The following SIK3 variants were observed in gnomAD, a reference collection of about 807,000 sequenced individuals.
The protein encoded by SIK3 is serine/threonine-protein kinase SIK3.
SIK3 carries 28 observed loss-of-function variants against 144.2 expected under a neutral mutation model. The observed-to-expected ratio is 0.19, with a 90% CI of 0.14 to 0.27. The LOEUF (loss-of-function observed/expected upper bound fraction) is 0.27, where lower values mean the gene tolerates loss of function less well. SIK3 is among the 10% of genes least tolerant of loss of function. The pLI is 1.00. For synonymous variants in SIK3, 686 were observed against 676.3 expected (o/e 1.01, Z -0.22); for missense variants, 1,319 against 1,776.0 (o/e 0.74, Z 4.62).
chr11:116,932,613 A>G (rs1947676598), intron 3 of SIK3, among the ~76,000 whole-genome samples: 1 of 152,098 alleles, frequency 6.6e-6, no homozygotes, highest in African/African-American at 2.4e-5. Flanking sequence ...ATACAAAAAT[A>G]TTTCACCACC....
At chr11:117,089,188 G>A (rs927299552) in intron 1 of SIK3, among the ~76,000 whole-genome samples, 19 of 151,978 alleles carry the variant, frequency 1.3e-4, no homozygotes, top group East Asian at 3.9e-4. Context: ...GGCAGATCAC[G>A]AGGTCAGGAA....
chr11:116,947,569 A>ATGTTTTT (rs374241141), intron 3 of SIK3, among the ~76,000 whole-genome samples: 2 of 109,448 alleles, frequency 1.8e-5, no homozygotes, highest in African/African-American at 3.1e-5. Flanking sequence ...GTATGTATGT[A>ATGTTTTT]TTTTTTTTTT....
intron 1 of SIK3, among the ~76,000 whole-genome samples, chr11:117,085,177 CCATAGTTTA>C (rs1399856752): frequency 6.6e-6 from 1 of 151,888 alleles, no homozygotes; most frequent in African/African-American, 2.4e-5. Context: ...AGTGGCGCAA[CCATAGTTTA>C]CTGCACTGTA....
At chr11:116,970,216 G>A (rs1158452068) in intron 1 of SIK3, among the ~76,000 whole-genome samples, 3 of 152,196 alleles carry the variant, frequency 2.0e-5, no homozygotes, top group Non-Finnish European at 4.4e-5. Context: ...GGTCAAGGCT[G>A]CAGTGAGTTG....
chr11:116,861,191 G>A, intron 19 of SIK3, 83 bp downstream of exon 19: 1 of 1,083,908 alleles, frequency 9.2e-7, no homozygotes, highest in Non-Finnish European at 1.4e-6. Flanking sequence ...CCTTTCAAAT[G>A]GTTTATGGTG....
chr11:117,098,163 G>T lies in SIK3; in HGVS notation c.253C>A (p.His85Asn), dbSNP rs1247396226. ...GGTACCTTGGCCTTGGTGACGAGGTGCGTGGCCCGCTTGACCACCGCGAAG... is the reference window on the plus strand; with the variant it reads ...GGTACCTTGGCCTTGGTGACGAGGTTCGTGGCCCGCTTGACCACCGCGAAG... ...GNFAVVKRATHLVTKAKVAIK... is the reference protein window; with the variant it reads ...GNFAVVKRATNLVTKAKVAIK... Residue 85 changes from histidine (H) to asparagine (N), a missense_variant, in exon 1 of 25, where the codon CAC becomes AAC. His to Asn is a moderately conservative substitution (Grantham distance 68, BLOSUM62 1). Around this residue, in one of 8 missense-constraint regions of SIK3, gnomAD observed 125 missense variants for 285.2 expected, o/e 0.44. Transcript: ENST00000445177. 2.0e-6 allele frequency: 3 copies of T among 1,514,176 alleles called. No homozygotes were observed. Among genetic ancestry groups the T allele is most frequent in the Non-Finnish European group, 8.8e-7 (1 of 1,130,274 alleles). The allele number at this position is 1,514,176 out of a possible 1,614,324, so 93.8% of individuals were successfully genotyped here. A position where few individuals can be genotyped will look rare whatever the true frequency, so the allele number is the denominator to read the frequency against.
At chr11:117,089,687 G>A (rs11823889) in intron 1 of SIK3, among the ~76,000 whole-genome samples, 47,638 of 151,964 alleles carry the variant, frequency 0.31, 9,692 homozygotes, top group African/African-American at 0.59. Flanking sequence ...GTAAACATGC[G>A]CTGGAGCTGA....
intron 1 of SIK3, among the ~76,000 whole-genome samples, chr11:117,054,126 T>C (rs1384755276): frequency 1.3e-5 from 2 of 152,072 alleles, no homozygotes; most frequent in African/African-American, 2.4e-5. Context: ...CAGTTAAGAC[T>C]AAAGAGAAAA....
At chr11:117,033,368 T>C (rs767079037) in intron 1 of SIK3, among the ~76,000 whole-genome samples, 1 of 152,210 alleles carries the variant, frequency 6.6e-6, no homozygotes, top group Non-Finnish European at 1.5e-5. Flanking sequence ...ACATGTTTGT[T>C]GTAGGATAAA....
chr11:117,069,234 T>C (rs1375896906), intron 1 of SIK3, among the ~76,000 whole-genome samples: 1 of 150,330 alleles, frequency 6.7e-6, no homozygotes, highest in Non-Finnish European at 1.5e-5. Flanking sequence ...TTCAAACATA[T>C]ATATAAGTAG....
intron 1 of SIK3, among the ~76,000 whole-genome samples, chr11:116,967,963 A>G (rs1322436125): frequency 6.6e-6 from 1 of 152,174 alleles, no homozygotes. Flanking sequence ...TGGCTTGTGC[A>G]TTTATTCCAG....
chr11:116,957,438 A>C (rs528135017), intron 1 of SIK3, among the ~76,000 whole-genome samples: 13 of 152,334 alleles, frequency 8.5e-5, no homozygotes, highest in East Asian at 3.9e-4. Context: ...TAAATAAAAT[A>C]AAAAATTTTT....
intron 4 of SIK3, among the ~76,000 whole-genome samples, chr11:116,925,276 T>G (rs1591339082): frequency 9.0e-5 from 13 of 144,332 alleles, no homozygotes; most frequent in East Asian, 2.0e-4. Flanking sequence ...AAGGTGGGGG[T>G]GGGAGAGAGA....
intron 6 of SIK3, among the ~76,000 whole-genome samples, chr11:116,891,166 C>T (rs1006438717): frequency 1.1e-4 from 16 of 152,016 alleles, no homozygotes; most frequent in Admixed American, 1.3e-4. Flanking sequence ...AAAAATTAGA[C>T]GGGCATGATG....
intron 6 of SIK3, among the ~76,000 whole-genome samples, chr11:116,879,504 C>A (rs1388285584): frequency 6.6e-6 from 1 of 152,184 alleles, no homozygotes; most frequent in African/African-American, 2.4e-5. Context: ...TTATACATCT[C>A]CACATGGATA....
At chr11:116,992,324 C>A (rs570605737) in intron 1 of SIK3, among the ~76,000 whole-genome samples, 36 of 145,678 alleles carry the variant, frequency 2.5e-4, no homozygotes, top group Non-Finnish European at 2.6e-4. Context: ...GACCCCCCCC[C>A]CCAAAAAAAA....
chr11:117,021,250 C>T (rs1345908874), intron 1 of SIK3, among the ~76,000 whole-genome samples: 2 of 152,112 alleles, frequency 1.3e-5, no homozygotes, highest in Non-Finnish European at 2.9e-5. Flanking sequence ...TCTACTGCAT[C>T]GTAGTAAAAA....
At chr11:116,978,959 G>A (rs983826369) in intron 1 of SIK3, among the ~76,000 whole-genome samples, 1 of 152,158 alleles carries the variant, frequency 6.6e-6, no homozygotes, top group South Asian at 2.1e-4. Context: ...ACAGTTGCTA[G>A]ACATTTGAGT....
Position 117,021,988 on chromosome 11 carries a change from A to G in SIK3, c.274-64924T>C, listed in dbSNP as rs1462561559. ...CTAAAAATAACAAAATAACAAATAA[A>G]AAATAAAAATAATCCATAAATTAGT... is the stretch of plus-strand genomic sequence containing the variant. On this transcript the variant is annotated intron_variant, in intron 1 of 24. Coordinates refer to ENST00000445177, the MANE Select transcript of SIK3 (RefSeq NM_001366686.3). 3.3e-5 allele frequency among the ~76,000 whole-genome samples: 5 copies of G among 151,168 alleles called. No homozygotes were observed. The South Asian group carries it at 1.0e-3, about 31-fold the overall frequency.
Sources: gnomAD v4.1 joint callset for allele counts (sites outside exome capture counted in the v4.1 genomes callset) on GRCh38, gnomAD v4.1.1 for gene constraint, gnomAD v4.1.1 regional missense constraint, MANE v1.5 for transcripts, NCBI Gene and HGNC (gene_info 2026-07-23, HGNC 2026-07-21) for gene names.